CLMN: variants seen among roughly 807,000 people sequenced by gnomAD.
CLMN encodes calmin.
CLMN carries 57 observed loss-of-function variants against 92.7 expected under a neutral mutation model. The ratio of observed to expected loss-of-function variants is 0.61; its 90% CI spans 0.50 to 0.77. The LOEUF is 0.77. CLMN is among the 30% of genes least tolerant of loss of function. CLMN has a pLI of 0.00. For synonymous variants in CLMN, 466 were observed against 470.6 expected (o/e 0.99, Z 0.13); for missense variants, 1,158 against 1,237.5 (o/e 0.94, Z 0.96).
intron 1 of CLMN, among the ~76,000 whole-genome samples, chr14:95,315,361 C>T (rs1003722734): frequency 1.2e-4 from 19 of 152,218 alleles, no homozygotes; most frequent in Non-Finnish European, 2.4e-4. Context: ...CACTCTGCTG[C>T]CCTTAGCTCA....
chr14:95,281,736 C>T (rs1900151171), intron 1 of CLMN, among the ~76,000 whole-genome samples: 1 of 152,162 alleles, frequency 6.6e-6, no homozygotes, highest in Non-Finnish European at 1.5e-5. Context: ...ACTTATTTTG[C>T]TTTACTGTTG....
chr14:95,193,283 A>T, intron 12 of CLMN: 5 of 1,389,494 alleles, frequency 3.6e-6, no homozygotes, highest in Non-Finnish European at 4.9e-6. Flanking sequence ...CAGCAACATT[A>T]GGCCAGGCCA....
chr14:95,273,641 T>C (rs566586050), intron 1 of CLMN, among the ~76,000 whole-genome samples: 98 of 152,288 alleles, frequency 6.4e-4, no homozygotes, highest in Admixed American at 2.0e-3. Context: ...CCTGCAGCAA[T>C]GTCCAGGGAA....
chr14:95,209,190 T>C (rs1309784454), intron 8 of CLMN, among the ~76,000 whole-genome samples: 1 of 152,212 alleles, frequency 6.6e-6, no homozygotes, highest in East Asian at 1.9e-4. Flanking sequence ...ACTGGGGGTC[T>C]TGAACTGTAT....
chr14:95,196,763 A>G (rs1001041651), intron 9 of CLMN, 69 bp from the exon 10 acceptor site: 8 of 1,493,676 alleles, frequency 5.4e-6, no homozygotes, highest in African/African-American at 1.4e-5. Flanking sequence ...GACATCACCC[A>G]GCAGTGCTCT....
At position 95,203,879 on chromosome 14, in the gene CLMN, A is replaced by G. The variant is rs747110881; in HGVS notation, c.1470T>C (p.Ala490=). The change falls in exon 9 of 13, where the codon GCT becomes GCC. Residue 490 remains alanine, a synonymous_variant. Transcript: ENST00000298912. ...TGCCCTCCACCAAAAAAATGTCACCAGCGACCTTGTCAGAGGAGGATTCTG... is the reference window on the plus strand; with the variant it reads ...TGCCCTCCACCAAAAAAATGTCACCGGCGACCTTGTCAGAGGAGGATTCTG... ...KIPESSSDKV[A]GDIFLVEGTN... 6.2e-7 allele frequency: 1 copy of G among 1,614,186 alleles called. No homozygotes were observed. Among genetic ancestry groups the G allele is most frequent in the South Asian group, 1.1e-5 (1 of 91,078 alleles).
intron 1 of CLMN, among the ~76,000 whole-genome samples, chr14:95,243,320 G>A (rs1171201065): frequency 6.6e-6 from 1 of 152,146 alleles, no homozygotes; most frequent in Non-Finnish European, 1.5e-5. Context: ...TGGATTGATG[G>A]GGTGATAGGT....
intron 1 of CLMN, among the ~76,000 whole-genome samples, chr14:95,316,255 G>A (rs974259801): frequency 6.6e-6 from 1 of 152,234 alleles, no homozygotes; most frequent in Admixed American, 6.5e-5. Context: ...CCAGCATCCT[G>A]CAATTCCATC....
intron 1 of CLMN, among the ~76,000 whole-genome samples, chr14:95,245,216 ATATATATAT>A (rs1898460045): frequency 5.0e-4 from 18 of 35,928 alleles, no homozygotes; most frequent in African/African-American, 1.8e-3. Context: ...TATTATATAT[ATATATATAT>A]TATATATATA....
chr14:95,199,857 G>A (rs892893689), intron 9 of CLMN, among the ~76,000 whole-genome samples: 1 of 152,098 alleles, frequency 6.6e-6, no homozygotes, highest in African/African-American at 2.4e-5. Context: ...ATGTCTGGGG[G>A]TGTGGGAGGA....
rs1453073803 is a variant in CLMN, at chr14:95,203,074, C to T, written c.2275G>A (p.Glu759Lys). ...DLKNEEMDLEEPEGYMPDLDS... is the reference protein window; with the variant it reads ...DLKNEEMDLEKPEGYMPDLDS... ...AGGTCTGGCATATAGCCCTCTGGCT[C>T]TTCGAGATCCATTTCTTCATTTTTT... Residue 759 changes from glutamate (E) to lysine (K), a missense_variant, in exon 9 of 13, where the codon GAG becomes AAG. Coordinates refer to ENST00000298912, the MANE Select transcript of CLMN (RefSeq NM_024734.4). 6.2e-7 allele frequency: 1 copy of T among 1,613,972 alleles called. No homozygotes were observed. Among genetic ancestry groups the T allele is most frequent in the African/African-American group, 1.3e-5 (1 of 74,940 alleles).
chr14:95,311,977 G>C (rs551517964), intron 1 of CLMN, among the ~76,000 whole-genome samples: 2 of 152,030 alleles, frequency 1.3e-5, no homozygotes, highest in African/African-American at 4.8e-5. Flanking sequence ...AAGCCTCCCC[G>C]GGTTTCTATG....
In CLMN at chr14:95,259,109, C is replaced by T. The variant is rs1435783807; in HGVS notation, c.83-28976G>A. Among the ~76,000 whole-genome samples, 1 of 151,804 alleles carries T rather than the reference C, an allele frequency of 6.6e-6. No individual in the cohort carries two copies. Among genetic ancestry groups the T allele is most frequent in the Non-Finnish European group, 1.5e-5 (1 of 67,928 alleles). Reference sequence around the variant, plus strand: ...GTGTGTTTATGTGTGCTGTGGTGTGCTATGTGCATCTGTGTGTGTGAAGTG... The same window carrying T: ...GTGTGTTTATGTGTGCTGTGGTGTGTTATGTGCATCTGTGTGTGTGAAGTG... On this transcript the variant is annotated intron_variant, in intron 1 of 12. Transcript: ENST00000298912. The surrounding 1 kb of genome is among the most constrained non-coding windows in gnomAD (Gnocchi z 4.3).
chr14:95,196,653 TA>T lies in CLMN; in HGVS notation c.2552del (p.Leu851GlnfsTer5). On this transcript the variant is annotated frameshift_variant, in exon 10 of 13. Transcript: ENST00000298912. LOFTEE classifies it high-confidence loss of function. ...SPNLENIANP[L>X]EENVTKESIS... ...TTGATTCTTTCGTTACATTTTCTTCTAGGGGGTTTGCTATGTTTTCCAGGTT... is the reference window on the plus strand; with the variant it reads ...TTGATTCTTTCGTTACATTTTCTTCTGGGGGTTTGCTATGTTTTCCAGGTT... 1.2e-6 allele frequency: 2 copies of T among 1,613,902 alleles called. No homozygotes were observed. Among genetic ancestry groups the T allele is most frequent in the Non-Finnish European group, 1.7e-6 (2 of 1,179,942 alleles).
Position 95,204,467 on chromosome 14 carries a change from C to T in CLMN, c.886-4G>A. The T allele has an allele frequency of 7.2e-7, 1 of 1,383,312 alleles. No individual in the cohort carries two copies. The highest frequency in any genetic ancestry group is 9.7e-7 in the Non-Finnish European group (1 of 1,035,040). 85.7% of individuals were successfully genotyped at this position (1,383,312 alleles called of 1,614,324 possible). ...TATCTGAATCGAAAATATCTTCCTGCAAAAAAAAACAAAAACAAACAAACA... is the reference window on the plus strand; with the variant it reads ...TATCTGAATCGAAAATATCTTCCTGTAAAAAAAAACAAAAACAAACAAACA... On this transcript the variant is annotated splice_region_variant and splice_polypyrimidine_tract_variant and intron_variant, in intron 8 of 12. Coordinates refer to ENST00000298912, the MANE Select transcript of CLMN (RefSeq NM_024734.4).
chr14:95,221,571 T>C (rs1897540446), intron 4 of CLMN, 120 bp downstream of exon 4: 7 of 823,118 alleles, frequency 8.5e-6, no homozygotes, highest in African/African-American at 1.7e-5. Flanking sequence ...TTAGTTTAAT[T>C]TGACCATTTT....
Position 95,259,060 on chromosome 14 carries a change from TTGTA to T in CLMN, c.83-28931_83-28928del. On this transcript the variant is annotated intron_variant, in intron 1 of 12. Transcript: ENST00000298912. This position sits in a 1 kb window ranked among gnomAD's most constrained non-coding sequence, Gnocchi z 4.3. The stretch of plus-strand genomic sequence containing the variant: ...GTGGTGTGGTGTGTGGAGAATGTGT[TTGTA>T]TGTATGTGTGATATGTGTTGTGTGT... Among the ~76,000 whole-genome samples the T allele has an allele frequency of 6.6e-6, 1 of 151,100 alleles. No homozygotes were observed. The highest frequency in any genetic ancestry group is 1.9e-4 in the East Asian group (1 of 5,168).
chr14:95,257,172 C>T (rs1250090415), intron 1 of CLMN, among the ~76,000 whole-genome samples: 2 of 152,112 alleles, frequency 1.3e-5, no homozygotes, highest in Admixed American at 6.5e-5. Flanking sequence ...GACGTTTGCA[C>T]GAGTTAAGTC....
Position 95,190,117 on chromosome 14 carries a change from G to C in CLMN, c.*1447C>G, listed in dbSNP as rs536956399. Reference sequence around the variant, plus strand: ...TGGGGATGAGCTTGAAGGTGAGTAAGAATTCCTCATGGGAAAAATACAAGA... The same window carrying C: ...TGGGGATGAGCTTGAAGGTGAGTAACAATTCCTCATGGGAAAAATACAAGA... On this transcript the variant is annotated 3_prime_UTR_variant, in exon 13 of 13. Transcript: ENST00000298912. The C allele has an allele frequency of 6.6e-6, 1 of 152,340 alleles. No individual in the cohort carries two copies. Among genetic ancestry groups the C allele is most frequent in the Admixed American group, 6.5e-5 (1 of 15,310 alleles). The allele number at this position is 152,340 out of a possible 1,614,324, so 9.4% of individuals were successfully genotyped here.
Sources: allele counts gnomAD v4.1 joint callset (sites outside exome capture counted in the v4.1 genomes callset), GRCh38; gene constraint gnomAD v4.1.1; non-coding constraint Gnocchi (gnomAD v3.1); transcripts MANE v1.5; gene names NCBI Gene and HGNC (gene_info 2026-07-23, HGNC 2026-07-21).